Variants in PACSIN2 observed in about 807,000 individuals in gnomAD.
The protein encoded by PACSIN2 is protein kinase C and casein kinase substrate in neurons 2, also known as protein kinase C and casein kinase substrate in neurons protein 2.
Under a neutral mutation model 63.8 loss-of-function variants are expected in PACSIN2, and 25 were observed. The ratio of observed to expected loss-of-function variants is 0.39; its 90% confidence interval spans 0.29 to 0.55. The LOEUF (loss-of-function observed/expected upper bound fraction) is 0.55, where lower values mean the gene tolerates loss of function less well. Among genes scored for constraint, PACSIN2 ranks in the 20% least tolerant of loss-of-function variants. The pLI is 0.62. For synonymous variants in PACSIN2, 255 were observed against 256.2 expected (o/e 1.00, Z 0.05); for missense variants, 518 against 646.9 (o/e 0.80, Z 2.16).
intron 1 of PACSIN2, among the ~76,000 whole-genome samples, chr22:43,014,378 C>CA (rs1434772548): frequency 7.4e-6 from 1 of 134,828 alleles, no homozygotes; most frequent in African/African-American, 2.8e-5. Context: ...CCCCCCCCCC[C>CA]CCGGGACACG....
At chr22:42,927,734 T>A (rs190605260) in intron 1 of PACSIN2, among the ~76,000 whole-genome samples, 5 of 151,818 alleles carry the variant, frequency 3.3e-5, no homozygotes, top group Non-Finnish European at 7.4e-5. Flanking sequence ...ATTAGAAGCA[T>A]GCACCACCAC....
intron 1 of PACSIN2, among the ~76,000 whole-genome samples, chr22:42,927,057 C>G (rs1334656249): frequency 1.3e-5 from 2 of 152,150 alleles, no homozygotes; most frequent in Non-Finnish European, 2.9e-5. Flanking sequence ...TAGCACAGAG[C>G]TGTCAAGGCC....
intron 1 of PACSIN2, among the ~76,000 whole-genome samples, chr22:42,962,332 CA>C (rs1433490760): frequency 1.3e-5 from 2 of 152,098 alleles, no homozygotes; most frequent in Admixed American, 1.3e-4. Context: ...TCTGGCTAAT[CA>C]TGAAAATAGC....
intron 1 of PACSIN2, among the ~76,000 whole-genome samples, chr22:43,003,035 A>G (rs1247785040): frequency 6.6e-6 from 1 of 152,242 alleles, no homozygotes; most frequent in Non-Finnish European, 1.5e-5. Context: ...CACTACCTAC[A>G]GCTTCCTCAC....
intron 1 of PACSIN2, among the ~76,000 whole-genome samples, chr22:42,996,031 TAACACGGTGAAACC>T (rs2146910541): frequency 6.7e-6 from 1 of 149,924 alleles, no homozygotes; most frequent in South Asian, 2.1e-4. Flanking sequence ...CCATCCTGGC[TAACACGGTGAAACC>T]TCATTTCTAC....
rs116667734 is a variant in PACSIN2, at chr22:42,983,842, C to G, written c.-78+31179G>C. ...TTCAGTTAACTGACTGGTGGTCAGTCTCCATCTCATGAGACAGATACTTAA... is the reference window on the plus strand; with the variant it reads ...TTCAGTTAACTGACTGGTGGTCAGTGTCCATCTCATGAGACAGATACTTAA... On this transcript the variant is annotated intron_variant, in intron 1 of 10. Transcript: ENST00000263246. Among the ~76,000 whole-genome samples the G allele has an allele frequency of 4.3e-3, 651 of 152,214 alleles. 3 individuals are homozygous for G. The highest frequency in any genetic ancestry group is 0.015 in the African/African-American group (615 of 41,518).
intron 1 of PACSIN2, among the ~76,000 whole-genome samples, chr22:42,940,637 A>G (rs1047624368): frequency 6.6e-5 from 10 of 152,160 alleles, no homozygotes; most frequent in African/African-American, 2.2e-4. Flanking sequence ...GGGTTTCCCT[A>G]TACCCAGCTG....
intron 2 of PACSIN2, among the ~76,000 whole-genome samples, chr22:42,901,053 C>T (rs750943210): frequency 2.0e-5 from 3 of 152,166 alleles, no homozygotes; most frequent in Non-Finnish European, 4.4e-5. Flanking sequence ...GAACCCCAAG[C>T]CTGTAAACTT....
At chr22:42,963,667 A>C (rs945215370) in intron 1 of PACSIN2, among the ~76,000 whole-genome samples, 5 of 152,146 alleles carry the variant, frequency 3.3e-5, no homozygotes, top group Admixed American at 3.3e-4. Context: ...CACAGAACAT[A>C]AGCAATCTGC....
chr22:42,894,734 T>C (rs1475946576), intron 2 of PACSIN2, among the ~76,000 whole-genome samples: 2 of 152,176 alleles, frequency 1.3e-5, no homozygotes, highest in Non-Finnish European at 2.9e-5. Context: ...GTTCGATATG[T>C]TTCATTCTTT....
intron 1 of PACSIN2, among the ~76,000 whole-genome samples, chr22:42,937,147 C>A (rs1331637908): frequency 6.6e-6 from 1 of 152,122 alleles, no homozygotes; most frequent in Non-Finnish European, 1.5e-5. Flanking sequence ...ACTGACCCAG[C>A]AGGTGCTATG....
chr22:42,879,079 C>T lies in PACSIN2; in HGVS notation c.997G>A (p.Gly333Ser). Residue 333 changes from glycine (G) to serine (S), a missense_variant, in exon 8 of 11, where the codon GGC becomes AGC. Physicochemically the swap from Gly to Ser is moderately conservative, Grantham distance 56. Coordinates refer to ENST00000263246, the MANE Select transcript of PACSIN2 (RefSeq NM_001184970.3). ...GGCTTACTCGGCAGAGACTGGTCGC[C>T]TGTCTGGTTGATGCCCGTCAGGGTG... Reference protein sequence around the residue: ...GVTLTGINQTGDQSLPSKPSS... With the variant: ...GVTLTGINQTSDQSLPSKPSS... 1.2e-6 allele frequency: 2 copies of T among 1,614,148 alleles called. No individual in the cohort carries two copies. Among genetic ancestry groups the T allele is most frequent in the Non-Finnish European group, 1.7e-6 (2 of 1,180,008 alleles).
intron 2 of PACSIN2, among the ~76,000 whole-genome samples, chr22:42,906,377 C>A (rs972804409): frequency 6.6e-6 from 1 of 152,230 alleles, no homozygotes; most frequent in Non-Finnish European, 1.5e-5. Context: ...TTTTCATAAG[C>A]GTCCAAGCAT....
At position 42,888,743 on chromosome 22, in the gene PACSIN2, A is replaced by C. The variant is rs753281877; in HGVS notation, c.509T>G (p.Ile170Ser). Residue 170 changes from isoleucine (I) to serine (S), a missense_variant, in exon 5 of 11, where the codon ATC becomes AGC. This residue lies in a region of PACSIN2 where 507 missense variants were observed against 612.3 expected (regional missense o/e 0.83). Coordinates refer to ENST00000263246, the MANE Select transcript of PACSIN2 (RefSeq NM_001184970.3). Reference protein sequence around the residue: ...HAACKEEKLAISREANSKADP... With the variant: ...HAACKEEKLASSREANSKADP... Reference sequence around the variant, plus strand: ...TGCCTTGCTGTTGGCTTCTCGTGAGATAGCCAGCTTCTCCTCTTTGCACGC... The same window carrying C: ...TGCCTTGCTGTTGGCTTCTCGTGAGCTAGCCAGCTTCTCCTCTTTGCACGC... 1.2e-6 allele frequency: 2 copies of C among 1,614,016 alleles called. No homozygotes were observed. Among genetic ancestry groups the C allele is most frequent in the South Asian group, 2.2e-5 (2 of 91,086 alleles).
At chr22:43,012,454 A>G (rs568338359) in intron 1 of PACSIN2, among the ~76,000 whole-genome samples, 1 of 152,170 alleles carries the variant, frequency 6.6e-6, no homozygotes, top group South Asian at 2.1e-4. Flanking sequence ...GTGGAAATCC[A>G]GAATTTTTTT....
At chr22:42,953,804 G>A (rs1424164616) in intron 1 of PACSIN2, among the ~76,000 whole-genome samples, 3 of 152,162 alleles carry the variant, frequency 2.0e-5, no homozygotes, top group Admixed American at 6.5e-5. Context: ...CTCGACACAC[G>A]ATAAACATAT....
chr22:42,870,921 T>C lies in PACSIN2; in HGVS notation c.*436A>G, dbSNP rs1361250702. On this transcript the variant is annotated 3_prime_UTR_variant, in exon 11 of 11. Transcript: ENST00000263246. ...ACAGGTGTATAAAAAAGTATAACTG[T>C]ACACAGCCTTTAAATTAAAAACCTC... 2.0e-5 allele frequency: 4 copies of C among 200,504 alleles called. No homozygotes were observed. Among genetic ancestry groups the C allele is most frequent in the Non-Finnish European group, 4.2e-5 (4 of 95,928 alleles). 12.4% of individuals were successfully genotyped at this position (200,504 alleles called of 1,614,324 possible). A position where few individuals can be genotyped will look rare whatever the true frequency, so the allele number is the denominator to read the frequency against.
chr22:42,873,579 G>C (rs529907070), intron 10 of PACSIN2, among the ~76,000 whole-genome samples: 1 of 152,168 alleles, frequency 6.6e-6, no homozygotes, highest in East Asian at 1.9e-4. Flanking sequence ...GGTGGTGGTG[G>C]TAAGGCAGCC....
At chr22:42,925,997 T>C (rs1402907620) in intron 1 of PACSIN2, among the ~76,000 whole-genome samples, 1 of 152,182 alleles carries the variant, frequency 6.6e-6, no homozygotes, top group Non-Finnish European at 1.5e-5. Context: ...TATAAGCCAG[T>C]GGGCGCTCAG....
Sources: gnomAD v4.1 joint callset for allele counts (sites outside exome capture counted in the v4.1 genomes callset) on GRCh38, gnomAD v4.1.1 for gene constraint, gnomAD v4.1.1 regional missense constraint, MANE v1.5 for transcripts, NCBI Gene and HGNC (gene_info 2026-07-23, HGNC 2026-07-21) for gene names.